The following EXOC3L2 variants were observed in gnomAD, a reference collection of about 807,000 sequenced individuals.
EXOC3L2 encodes the protein exocyst complex component 3-like protein 2.
EXOC3L2 carries 17 observed loss-of-function variants against 44.4 expected under a neutral mutation model. The observed-to-expected ratio is 0.38, with a 90% CI of 0.26 to 0.57. EXOC3L2 has a LOEUF of 0.57. EXOC3L2 is among the 20% of genes least tolerant of loss of function. EXOC3L2 has a pLI of 0.65. For synonymous variants in EXOC3L2, 256 were observed against 253.7 expected, an observed-to-expected ratio of 1.01 and a Z score of -0.09; for missense variants, 541 against 588.4, an observed-to-expected ratio of 0.92 and a Z score of 0.83.
rs558095215 is a variant in EXOC3L2 at position 45,214,727 on chromosome 19, A to C, written c.2120+1346T>G. Among the ~76,000 whole-genome samples the C allele has an allele frequency of 1.7e-4, 26 of 151,902 alleles. 1 individual carries two copies. The South Asian group carries it at 4.8e-3, about 28-fold the overall frequency. On this transcript the variant is annotated intron_variant, in intron 11 of 11. Transcript: ENST00000413988. Reference sequence around the variant, plus strand: ...TGATCCACCTACCTCGGCCTCCCAAAGTGCTGGGATTACAAGCGTGAGCCA... The same window carrying C: ...TGATCCACCTACCTCGGCCTCCCAACGTGCTGGGATTACAAGCGTGAGCCA...
At chr19:45,241,266 G>A (rs1460411660) in intron 1 of EXOC3L2, among the ~76,000 whole-genome samples, 6 of 152,036 alleles carry the variant, frequency 3.9e-5, no homozygotes, top group Non-Finnish European at 7.4e-5. Flanking sequence ...CGAGGCGGGC[G>A]GATCACAAGG....
chr19:45,237,917 G>A (rs1970097914), intron 2 of EXOC3L2, among the ~76,000 whole-genome samples: 1 of 152,188 alleles, frequency 6.6e-6, no homozygotes. Flanking sequence ...GACGAGGCAG[G>A]CAGATCACTT....
intron 8 of EXOC3L2, among the ~76,000 whole-genome samples, chr19:45,221,424 T>C (rs549403472): frequency 3.9e-4 from 59 of 152,080 alleles, no homozygotes; most frequent in African/African-American, 1.3e-3. Context: ...CGATCTTGGC[T>C]CACTGCAACT....
In EXOC3L2 at chr19:45,217,662, G is replaced by T. The variant is rs927665393; in HGVS notation, c.1864C>A (p.Arg622=). The T allele has an allele frequency of 4.3e-6, 6 of 1,410,860 alleles. No homozygotes were observed. Among genetic ancestry groups the T allele is most frequent in the Non-Finnish European group, 5.5e-6 (6 of 1,090,486 alleles). 87.4% of individuals were successfully genotyped at this position (1,410,860 alleles called of 1,614,324 possible). The change falls in exon 10 of 12, where the codon CGG becomes AGG. Residue 622 remains arginine (R), a synonymous_variant. Transcript: ENST00000413988. The part of the protein sequence containing the change: ...PYQALVAELH[R]RALVEYVRPL... ...CGCACGTACTCGACCAGCGCCCGCC[G>T]GTGTAGCTCGGCTACCAGCGCCTGG...
chr19:45,237,423 C>T (rs575873715), intron 2 of EXOC3L2, among the ~76,000 whole-genome samples: 1 of 152,216 alleles, frequency 6.6e-6, no homozygotes, highest in Non-Finnish European at 1.5e-5. Context: ...ATTGCTTGAG[C>T]CCAGGAGGTC....
At chr19:45,241,136 T>C (rs376787839) in intron 1 of EXOC3L2, among the ~76,000 whole-genome samples, 10 of 152,020 alleles carry the variant, frequency 6.6e-5, no homozygotes, top group Admixed American at 5.9e-4. Flanking sequence ...TGCCCTGGCC[T>C]CCTCCCTGGT....
intron 11 of EXOC3L2, 73 bp from the exon 12 acceptor site, chr19:45,213,430 C>T: frequency 6.4e-7 from 1 of 1,555,994 alleles, no homozygotes; most frequent in Non-Finnish European, 8.7e-7. Context: ...GCCGTGGACC[C>T]CACCTGACCC....
chr19:45,233,275 G>A (rs1970049444), intron 3 of EXOC3L2, among the ~76,000 whole-genome samples: 1 of 152,126 alleles, frequency 6.6e-6, no homozygotes, highest in Non-Finnish European at 1.5e-5. Flanking sequence ...ACAGTGTTGA[G>A]GTTCTAAGAC....
intron 9 of EXOC3L2, 39 bp downstream of exon 9, chr19:45,218,158 T>TACCCCCCCCCCCCC: frequency 9.7e-7 from 1 of 1,034,906 alleles, no homozygotes. Flanking sequence ...TCCCCTCTTT[T>TACCCCCCCCCCCCC]CCCCCACCCC....
intron 4 of EXOC3L2, 58 bp downstream of exon 4, chr19:45,231,705 A>T (rs906459174): frequency 2.0e-6 from 3 of 1,474,070 alleles, no homozygotes; most frequent in African/African-American, 1.4e-5. Context: ...TCCCAAGCCC[A>T]CTGTGACCCC....
intron 7 of EXOC3L2, among the ~76,000 whole-genome samples, chr19:45,226,584 C>T (rs544909231): frequency 6.6e-6 from 1 of 151,858 alleles, no homozygotes; most frequent in South Asian, 2.1e-4. Flanking sequence ...TTACAGGCAC[C>T]TGCCATCATG....
At chr19:45,240,128 T>C (rs1234348827) in intron 1 of EXOC3L2, among the ~76,000 whole-genome samples, 1 of 143,574 alleles carries the variant, frequency 7.0e-6, no homozygotes, top group Non-Finnish European at 1.5e-5. Flanking sequence ...TTTTTGAGAC[T>C]GGGACTCACC....
intron 11 of EXOC3L2, among the ~76,000 whole-genome samples, chr19:45,214,108 T>G (rs1442821815): frequency 6.6e-6 from 1 of 152,076 alleles, no homozygotes; most frequent in East Asian, 1.9e-4. Flanking sequence ...TGATCCAATA[T>G]TCAAGTTCAG....
Position 45,243,320 on chromosome 19 carries a change from C to T in EXOC3L2, c.-17+2021G>A, listed in dbSNP as rs144129508. Among the ~76,000 whole-genome samples the T allele has an allele frequency of 2.3e-3, 352 of 152,284 alleles. 1 individual carries two copies. In the East Asian group the frequency reaches 0.028, roughly 12 times the overall value. The stretch of plus-strand genomic sequence containing the variant: ...CAGGACAGGGTCAGGATTATGCAGA[C>T]GTGCGGGGGTGGACAGGAGGCCTGG... On this transcript the variant is annotated intron_variant, in intron 1 of 11. Coordinates refer to ENST00000413988, the MANE Select transcript of EXOC3L2 (RefSeq NM_001382422.1).
rs1280561601 is a variant in EXOC3L2, at chr19:45,213,006, G to A, written c.*63C>T. On this transcript the variant is annotated 3_prime_UTR_variant, in exon 12 of 12. Coordinates refer to ENST00000413988, the MANE Select transcript of EXOC3L2 (RefSeq NM_001382422.1). ...CAGGCAGGGAGTCAGGAGGGGCGCC[G>A]TACGGGAGGTTGGCTTGTCAGCAGC... The A allele has an allele frequency of 1.9e-5, 27 of 1,416,732 alleles. No homozygotes were observed. The highest frequency in any genetic ancestry group is 2.6e-5 in the East Asian group (1 of 37,770). The allele number at this position is 1,416,732 out of a possible 1,614,324, so 87.8% of individuals were successfully genotyped here.
intron 1 of EXOC3L2, among the ~76,000 whole-genome samples, chr19:45,245,035 A>G (rs1195909396): frequency 1.3e-5 from 2 of 151,476 alleles, no homozygotes; most frequent in Non-Finnish European, 2.9e-5. Context: ...AGGACATTCG[A>G]CCCAATGTCA....
chr19:45,237,023 AAGG>A (rs1970090035), intron 2 of EXOC3L2, among the ~76,000 whole-genome samples: 1 of 151,258 alleles, frequency 6.6e-6, no homozygotes, highest in Non-Finnish European at 1.5e-5. Flanking sequence ...AAAAAAAAAA[AAGG>A]AGGTCGCCAG....
At chr19:45,231,733 C>A (rs762567119) in intron 4 of EXOC3L2, 30 bp downstream of exon 4, 2 of 1,584,724 alleles carry the variant, frequency 1.3e-6, no homozygotes, top group Non-Finnish European at 1.7e-6. Flanking sequence ...CACAGCACCT[C>A]CTGCTTCCAA....
Position 45,227,690 on chromosome 19 carries a change from C to A in EXOC3L2, c.1555G>T (p.Ala519Ser). ...LPDTYISKTI[A>S]LVNCGPPLRA... ...AGTGGGGGGCCGCAGTTGACCAGGG[C>A]GATGGTCTTGCTGATATAGGTGTCA... Residue 519 changes from alanine to serine, a missense_variant, in exon 7 of 12, where the codon GCC (alanine) becomes TCC (serine). By Grantham distance (99) the Ala-to-Ser change is moderately conservative (BLOSUM62 1). Coordinates refer to ENST00000413988, the MANE Select transcript of EXOC3L2 (RefSeq NM_001382422.1). 6.2e-7 allele frequency: 1 copy of A among 1,612,528 alleles called. No homozygotes were observed. Among genetic ancestry groups the A allele is most frequent in the African/African-American group, 1.3e-5 (1 of 74,994 alleles).
Sources: gnomAD v4.1 joint callset for allele counts (sites outside exome capture counted in the v4.1 genomes callset) on GRCh38, gnomAD v4.1.1 for gene constraint, MANE v1.5 for transcripts, NCBI Gene and HGNC (gene_info 2026-07-23, HGNC 2026-07-21) for gene names.